The following RNGTT variants were observed in gnomAD, a reference collection of about 807,000 sequenced individuals.
RNGTT encodes RNA guanylyltransferase and 5'-phosphatase, also known as mRNA-capping enzyme.
RNGTT carries 33 observed loss-of-function variants against 79.3 expected under a neutral mutation model. The ratio of observed to expected loss-of-function variants is 0.42; its 90% CI spans 0.32 to 0.56. The LOEUF (loss-of-function observed/expected upper bound fraction) is 0.56. Ranked by LOEUF, RNGTT falls within the 20% of genes least tolerant of loss-of-function variation. The pLI is 0.17. For synonymous variants in RNGTT, 222 were observed against 235.9 expected (o/e 0.94, Z 0.54); for missense variants, 497 against 739.1 (o/e 0.67, Z 3.80).
chr6:88,933,986 A>T (rs954414242), intron 2 of RNGTT, among the ~76,000 whole-genome samples: 3 of 152,122 alleles, frequency 2.0e-5, no homozygotes, highest in Non-Finnish European at 4.4e-5. Flanking sequence ...TTTTCTCCAC[A>T]TCCTTGCCAG....
At chr6:88,890,237 T>C (rs1390402799) in intron 8 of RNGTT, among the ~76,000 whole-genome samples, 4 of 152,150 alleles carry the variant, frequency 2.6e-5, no homozygotes, top group African/African-American at 9.7e-5. Context: ...AGAAAAACAC[T>C]TTCAAACTTA....
At chr6:88,948,508 C>T (rs1195662993) in intron 1 of RNGTT, among the ~76,000 whole-genome samples, 2 of 145,028 alleles carry the variant, frequency 1.4e-5, no homozygotes, top group Non-Finnish European at 1.5e-5. Flanking sequence ...GCCCCCCGCC[C>T]GGCCGGCCGC....
At chr6:88,698,129 T>C (rs1312647578) in intron 13 of RNGTT, among the ~76,000 whole-genome samples, 2 of 109,242 alleles carry the variant, frequency 1.8e-5, no homozygotes, top group Non-Finnish European at 3.4e-5. Context: ...ATGAAATACA[T>C]ATATATGATA....
chr6:88,626,797 T>C (rs1355004344), intron 14 of RNGTT, among the ~76,000 whole-genome samples: 1 of 152,096 alleles, frequency 6.6e-6, no homozygotes, highest in African/African-American at 2.4e-5. Flanking sequence ...TTGAATGACC[T>C]TTCTATAGGC....
chr6:88,716,674 G>A (rs562519127), intron 13 of RNGTT, among the ~76,000 whole-genome samples: 2 of 152,252 alleles, frequency 1.3e-5, no homozygotes, highest in East Asian at 1.9e-4. Context: ...GTAGGGACAT[G>A]GATGAAGCTG....
At chr6:88,823,927 T>C (rs947480814) in intron 11 of RNGTT, among the ~76,000 whole-genome samples, 7 of 152,040 alleles carry the variant, frequency 4.6e-5, no homozygotes, top group African/African-American at 1.2e-4. Context: ...ATATCATATG[T>C]GGAAATACAA....
chr6:88,737,644 C>T (rs1777331411), intron 13 of RNGTT, among the ~76,000 whole-genome samples: 1 of 152,096 alleles, frequency 6.6e-6, no homozygotes, highest in Admixed American at 6.6e-5. Context: ...GAAAAGACAG[C>T]AGAGAGTGTT....
chr6:88,933,520 G>T (rs1371324233), intron 2 of RNGTT, among the ~76,000 whole-genome samples: 1 of 151,024 alleles, frequency 6.6e-6, no homozygotes, highest in Admixed American at 6.6e-5. Context: ...TCACTCTGTT[G>T]CCCCGGCTGG....
chr6:88,854,674 A>T (rs1781786655), intron 8 of RNGTT, among the ~76,000 whole-genome samples: 1 of 152,218 alleles, frequency 6.6e-6, no homozygotes, highest in Admixed American at 6.5e-5. Context: ...TAAAATTAAA[A>T]TATTTTTAAA....
At chr6:88,961,964 C>G (rs76201065) in intron 1 of RNGTT, among the ~76,000 whole-genome samples, 4 of 152,136 alleles carry the variant, frequency 2.6e-5, no homozygotes, top group African/African-American at 9.7e-5. Context: ...AACTACTACT[C>G]TGCAATAAAA....
In RNGTT at chr6:88,925,594, T is replaced by TA. The variant is rs35542749; in HGVS notation, c.367+3390dup. Among the ~76,000 whole-genome samples, 725 of 111,782 alleles carry TA rather than the reference T, an allele frequency of 6.5e-3. 2 individuals carry two copies. Among genetic ancestry groups the TA allele is most frequent in the African/African-American group, 7.5e-3 (222 of 29,580 alleles). 73.3% of individuals were successfully genotyped at this position (111,782 alleles called of 152,430 possible). A position where few individuals can be genotyped will look rare whatever the true frequency, so the allele number is the denominator to read the frequency against. On this transcript the variant is annotated intron_variant, in intron 4 of 15. Coordinates refer to ENST00000369485, the MANE Select transcript of RNGTT (RefSeq NM_003800.5). The stretch of plus-strand genomic sequence containing the variant: ...GGCAATACGGCAAGACCTTACCTCA[T>TA]AAAAAAAAAAAAAAAACAACTAGCT...
In RNGTT at chr6:88,734,404, T is replaced by C. The variant is rs560738796; in HGVS notation, c.1439+35370A>G. Among the ~76,000 whole-genome samples, 11 of 152,170 alleles carry C rather than the reference T, an allele frequency of 7.2e-5. No individual in the cohort carries two copies. In the South Asian group the frequency reaches 2.3e-3, roughly 32 times the overall value. ...GAGATGTCAGAAAAAGAGAAGATTT[T>C]AAAAATGAAAAGAACAAGTACAACA... On this transcript the variant is annotated intron_variant, in intron 13 of 15. Transcript: ENST00000369485.
Position 88,853,670 on chromosome 6 carries a change from T to C in RNGTT, c.991A>G (p.Lys331Glu). 7 of 1,600,716 alleles carry C rather than the reference T, an allele frequency of 4.4e-6. No individual in the cohort carries two copies. Among genetic ancestry groups the C allele is most frequent in the Non-Finnish European group, 6.0e-6 (7 of 1,170,822 alleles). The part of the protein sequence containing the change: ...HVSNLEFPFR[K>E]DLRMHLSNTL... ...TTTGATAAATGCATACGAAGATCTT[T>C]ACGAAATGGAAATTCCAGATTTGAA... The change falls in exon 9 of 16, where the codon AAA (lysine) becomes GAA (glutamate). Residue 331 changes from lysine (K) to glutamate (E), a missense_variant. Coordinates refer to ENST00000369485, the MANE Select transcript of RNGTT (RefSeq NM_003800.5).
intron 13 of RNGTT, among the ~76,000 whole-genome samples, chr6:88,746,091 G>C (rs1055464638): frequency 1.1e-4 from 16 of 152,138 alleles, no homozygotes; most frequent in Non-Finnish European, 1.8e-4. Context: ...ATATTGTGTG[G>C]GAAGCCTGGT....
intron 13 of RNGTT, among the ~76,000 whole-genome samples, chr6:88,749,975 T>C (rs1002316395): frequency 4.6e-5 from 7 of 152,132 alleles, no homozygotes; most frequent in African/African-American, 1.7e-4. Context: ...AGTCTCTGCC[T>C]CCATAGTCAC....
chr6:88,826,816 A>ATGTGTG (rs1254094074), intron 11 of RNGTT, among the ~76,000 whole-genome samples: 5 of 92,148 alleles, frequency 5.4e-5, no homozygotes, highest in African/African-American at 2.4e-4. Flanking sequence ...ATATATATAT[A>ATGTGTG]TGTGTGTGTA....
At chr6:88,777,616 G>A (rs9351183) in intron 12 of RNGTT, among the ~76,000 whole-genome samples, 1 of 151,930 alleles carries the variant, frequency 6.6e-6, no homozygotes, top group Non-Finnish European at 1.5e-5. Context: ...GGCTGTTATC[G>A]ATTGGTGTAA....
At chr6:88,710,726 T>A (rs1221965287) in intron 13 of RNGTT, among the ~76,000 whole-genome samples, 1 of 152,114 alleles carries the variant, frequency 6.6e-6, no homozygotes, top group African/African-American at 2.4e-5. Context: ...CAAAATGACA[T>A]CAGTGAAAAT....
chr6:88,835,977 C>A (rs1201750181), intron 11 of RNGTT, among the ~76,000 whole-genome samples: 18 of 58,000 alleles, frequency 3.1e-4, no homozygotes, highest in East Asian at 2.7e-3. Flanking sequence ...CTATTAAAAA[C>A]ACACACACAC....
Sources: gnomAD v4.1 joint callset for allele counts (sites outside exome capture counted in the v4.1 genomes callset) on GRCh38, gnomAD v4.1.1 for gene constraint, MANE v1.5 for transcripts, NCBI Gene and HGNC (gene_info 2026-07-23, HGNC 2026-07-21) for gene names.